The following KIF14 variants were observed in gnomAD, a reference collection of about 807,000 sequenced individuals.
KIF14 encodes kinesin family member 14.
Under a neutral mutation model 176.2 loss-of-function variants are expected in KIF14, and 98 were observed. The observed-to-expected ratio is 0.56, with a 90% CI of 0.47 to 0.66. The LOEUF (loss-of-function observed/expected upper bound fraction) is 0.66. Ranked by LOEUF, KIF14 falls within the 30% of genes least tolerant of loss-of-function variation. The pLI is 0.00. For missense variants in KIF14, 1,751 were observed against 1,920.4 expected (o/e 0.91, Z 1.65); for synonymous variants, 566 against 632.2 (o/e 0.90, Z 1.57).
chr1:200,569,823 G>C, intron 23 of KIF14, 88 bp downstream of exon 23: 2 of 673,334 alleles, frequency 3.0e-6, no homozygotes, highest in Non-Finnish European at 4.9e-6. Flanking sequence ...GAAATGAAAT[G>C]ATTTGCACAC....
At chr1:200,611,495 G>C (rs1340975887) in intron 4 of KIF14, among the ~76,000 whole-genome samples, 2 of 152,210 alleles carry the variant, frequency 1.3e-5, no homozygotes, top group Non-Finnish European at 2.9e-5. Flanking sequence ...CAAATGCTAT[G>C]AACAGGGATG....
At chr1:200,613,815 A>G (rs1379418124) in intron 4 of KIF14, among the ~76,000 whole-genome samples, 1 of 152,242 alleles carries the variant, frequency 6.6e-6, no homozygotes, top group Non-Finnish European at 1.5e-5. Context: ...CAGAATGCTC[A>G]GTAAAAGGTA....
At position 200,565,507 on chromosome 1, in the gene KIF14, T is replaced by C. The variant is rs1391111974; in HGVS notation, c.3824A>G (p.Tyr1275Cys). 13 of 1,610,608 alleles carry C rather than the reference T, an allele frequency of 8.1e-6. No homozygotes were observed. The highest frequency in any genetic ancestry group is 1.1e-5 in the South Asian group (1 of 89,878). Residue 1275 changes from tyrosine to cysteine, a missense_variant, in exon 24 of 30, where the codon TAT (tyrosine) becomes TGT (cysteine). Physicochemically the swap from Tyr to Cys is radical, Grantham distance 194. Coordinates refer to ENST00000367350, the MANE Select transcript of KIF14 (RefSeq NM_014875.3). ...DSLINSFLKI[Y>C]NGLFAISKAH... ...CTTGGAAATGGCAAATAGCCCATTA[T>C]AAATTTTAAGAAAACTATTAATTAG... is the stretch of plus-strand genomic sequence containing the variant.
At chr1:200,560,959 A>G (rs566192570) in intron 25 of KIF14, 79 bp from the exon 26 acceptor site, 1 of 1,333,284 alleles carries the variant, frequency 7.5e-7, no homozygotes, top group African/African-American at 1.4e-5. Context: ...GGCCGGGCAC[A>G]GCGGCTCACG....
intron 19 of KIF14, among the ~76,000 whole-genome samples, chr1:200,585,672 G>C (rs1658698936): frequency 6.6e-6 from 1 of 152,120 alleles, no homozygotes; most frequent in African/African-American, 2.4e-5. Flanking sequence ...GTTCTGGTGA[G>C]GGCCCTGTTC....
At chr1:200,605,948 G>T in intron 6 of KIF14, 54 bp from the exon 7 acceptor site, 2 of 1,011,264 alleles carry the variant, frequency 2.0e-6, no homozygotes, top group Non-Finnish European at 2.9e-6. Flanking sequence ...TTATACTCTT[G>T]TTCTCATAAA....
chr1:200,594,305 A>G (rs1659210605), intron 14 of KIF14, among the ~76,000 whole-genome samples: 1 of 146,614 alleles, frequency 6.8e-6, no homozygotes, highest in Non-Finnish European at 1.5e-5. Flanking sequence ...TGGTGGGAAC[A>G]TTCTTCATTG....
chr1:200,581,344 C>A, intron 19 of KIF14, 50 bp from the exon 20 acceptor site: 1 of 999,282 alleles, frequency 1.0e-6, no homozygotes, highest in South Asian at 1.6e-5. Flanking sequence ...TGGACACTAA[C>A]ATATACCATT....
chr1:200,577,370 C>T (rs575814760), intron 21 of KIF14, among the ~76,000 whole-genome samples: 9 of 151,992 alleles, frequency 5.9e-5, no homozygotes, highest in Middle Eastern at 3.4e-3. Context: ...GTTACCCAGG[C>T]GGTTCTTGAA....
rs368717102 is a variant in KIF14 at position 200,581,115 on chromosome 1, G to GAAAAAAAAAAA, written c.3335+75_3335+85dup. ...GGCAACAGAGCAAGACTCTGTCTCAGAAAAAAAAAAAAAAAAAAGAGAAAC... is the reference window on the plus strand; with the variant it reads ...GGCAACAGAGCAAGACTCTGTCTCAGAAAAAAAAAAAAAAAAAAAAAAAAAAAAAGAGAAAC... On this transcript the variant is annotated intron_variant, in intron 20 of 29. Coordinates refer to ENST00000367350, the MANE Select transcript of KIF14 (RefSeq NM_014875.3). The GAAAAAAAAAAA allele has an allele frequency of 1.2e-3, 335 of 291,124 alleles. 1 individual carries two copies. The highest frequency in any genetic ancestry group is 3.0e-3 in the African/African-American group (68 of 22,776). The allele number at this position is 291,124 out of a possible 1,614,324, so 18.0% of individuals were successfully genotyped here.
In KIF14 at chr1:200,553,005, A is replaced by G. The variant is rs1656622597; in HGVS notation, c.*383T>C. ...GTTGCTCAGACTGGAGTAAAGTGGCATGATCTTGGCTCACTGCAACCTCTG... is the reference window on the plus strand; with the variant it reads ...GTTGCTCAGACTGGAGTAAAGTGGCGTGATCTTGGCTCACTGCAACCTCTG... On this transcript the variant is annotated 3_prime_UTR_variant, in exon 30 of 30. Coordinates refer to ENST00000367350, the MANE Select transcript of KIF14 (RefSeq NM_014875.3). 6.6e-6 allele frequency: 1 copy of G among 152,376 alleles called. No individual in the cohort carries two copies. The highest frequency in any genetic ancestry group is 1.5e-5 in the Non-Finnish European group (1 of 68,352). 9.4% of individuals were successfully genotyped at this position (152,376 alleles called of 1,614,324 possible). A position where few individuals can be genotyped will look rare whatever the true frequency, so the allele number is the denominator to read the frequency against.
chr1:200,570,429 A>G (rs773513386), intron 22 of KIF14, among the ~76,000 whole-genome samples: 1 of 152,192 alleles, frequency 6.6e-6, no homozygotes, highest in Admixed American at 6.5e-5. Context: ...GCCTCCTTGG[A>G]GCAGTAACCC....
chr1:200,589,543 T>C (rs1311236851), intron 17 of KIF14, among the ~76,000 whole-genome samples, 174 bp from the exon 18 acceptor site: 1 of 152,170 alleles, frequency 6.6e-6, no homozygotes, highest in Non-Finnish European at 1.5e-5. Context: ...TTATCTAAAA[T>C]GGGCTTCTGG....
chr1:200,566,592 CA>C (rs35965593), intron 23 of KIF14, among the ~76,000 whole-genome samples: 143 of 135,488 alleles, frequency 1.1e-3, no homozygotes, highest in Middle Eastern at 4.0e-3. Flanking sequence ...GACTCTGTCT[CA>C]AAAAAAAAAA....
Position 200,553,314 on chromosome 1 carries a change from T to C in KIF14, c.*74A>G, listed in dbSNP as rs1038889844. On this transcript the variant is annotated 3_prime_UTR_variant, in exon 30 of 30. Transcript: ENST00000367350. Reference sequence around the variant, plus strand: ...TGTGCTGATTTCTCTTAAACTCTCCTGCATAAAGAAAATTACCGAGCAAGT... The same window carrying C: ...TGTGCTGATTTCTCTTAAACTCTCCCGCATAAAGAAAATTACCGAGCAAGT... 222 of 1,439,484 alleles carry C rather than the reference T, an allele frequency of 1.5e-4. No individual in the cohort carries two copies. The African/African-American group carries it at 2.8e-3, about 18-fold the overall frequency. 89.2% of individuals were successfully genotyped at this position (1,439,484 alleles called of 1,614,324 possible).
chr1:200,586,093 A>G lies in KIF14; in HGVS notation c.3241+8T>C, dbSNP rs749571138. On this transcript the variant is annotated splice_region_variant and intron_variant, in intron 19 of 29. Coordinates refer to ENST00000367350, the MANE Select transcript of KIF14 (RefSeq NM_014875.3). Reference sequence around the variant, plus strand: ...AGAAAATGTTTGCTAAAATCAGCACACACTTACCTGTAAAAGTTTTATCCC... The same window carrying G: ...AGAAAATGTTTGCTAAAATCAGCACGCACTTACCTGTAAAAGTTTTATCCC... 6.7e-7 allele frequency: 1 copy of G among 1,503,508 alleles called. No individual in the cohort carries two copies. Among genetic ancestry groups the G allele is most frequent in the Non-Finnish European group, 9.0e-7 (1 of 1,114,550 alleles). The allele number at this position is 1,503,508 out of a possible 1,614,324, so 93.1% of individuals were successfully genotyped here.
chr1:200,572,856 C>G (rs1022330598), intron 22 of KIF14, among the ~76,000 whole-genome samples: 2 of 152,192 alleles, frequency 1.3e-5, no homozygotes, highest in African/African-American at 4.8e-5. Context: ...CAAGCTCTAT[C>G]TACCCAATTT....
At chr1:200,605,421 C>G (rs769264602) in intron 7 of KIF14, 31 bp from the exon 8 acceptor site, 9 of 1,476,314 alleles carry the variant, frequency 6.1e-6, no homozygotes, top group Non-Finnish European at 8.5e-6. Flanking sequence ...AAGATCAGAT[C>G]AGCAGACTGT....
At chr1:200,560,460 C>T (rs115826832) in intron 26 of KIF14, among the ~76,000 whole-genome samples, 12 of 152,102 alleles carry the variant, frequency 7.9e-5, no homozygotes, top group Non-Finnish European at 1.6e-4. Context: ...TCAGTAGAGA[C>T]GGGTGTTTCG....
Sources: gnomAD v4.1 joint callset for allele counts (sites outside exome capture counted in the v4.1 genomes callset) on GRCh38, gnomAD v4.1.1 for gene constraint, MANE v1.5 for transcripts, NCBI Gene and HGNC (gene_info 2026-07-23, HGNC 2026-07-21) for gene names.